Variants in CADM2 observed in about 807,000 individuals in gnomAD.
The protein encoded by CADM2 is cell adhesion molecule 2, also known as immunoglobulin superfamily member 4D.
CADM2 carries 12 observed loss-of-function variants against 49.8 expected under a neutral mutation model. That is an observed-to-expected ratio of 0.24 (90% CI 0.15 to 0.39). The LOEUF (loss-of-function observed/expected upper bound fraction) is 0.39. CADM2 is among the 10% of genes least tolerant of loss of function. The probability of loss-of-function intolerance (pLI) is 1.00; values close to 1 mark genes in which losing one functional copy is unlikely to be tolerated. For missense variants in CADM2, 378 were observed against 492.3 expected, an observed-to-expected ratio of 0.77 and a Z score of 2.20; for synonymous variants, 214 against 175.4, an observed-to-expected ratio of 1.22 and a Z score of -1.74.
At position 86,017,692 on chromosome 3, in the gene CADM2, C is replaced by T. The variant is rs186926989; in HGVS notation, c.971-47913C>T. Among the ~76,000 whole-genome samples, 409 of 149,644 alleles carry T rather than the reference C, an allele frequency of 2.7e-3. 1 individual carries two copies. Among genetic ancestry groups the T allele is most frequent in the African/African-American group, 9.8e-3 (400 of 40,792 alleles). ...GCAGTAAGCCGAGACTGTGCCACTG[C>T]ACTCCAGCTTGGGCGACACCAGGAG... is the stretch of plus-strand genomic sequence containing the variant. On this transcript the variant is annotated intron_variant, in intron 8 of 9. Coordinates refer to ENST00000383699, the MANE Select transcript of CADM2 (RefSeq NM_001167675.2).
chr3:85,249,988 A>G (rs965064377), intron 1 of CADM2, among the ~76,000 whole-genome samples: 1 of 151,892 alleles, frequency 6.6e-6, no homozygotes, highest in Non-Finnish European at 1.5e-5. Flanking sequence ...AAGAAGGTAA[A>G]TGAAATAAAT....
At chr3:85,091,912 A>C (rs2037611721) in intron 1 of CADM2, among the ~76,000 whole-genome samples, 3 of 152,174 alleles carry the variant, frequency 2.0e-5, no homozygotes, top group Admixed American at 6.5e-5. Context: ...TCCAATAATT[A>C]ATGTGTCACT....
At chr3:85,455,218 C>G (rs2037937008) in intron 1 of CADM2, among the ~76,000 whole-genome samples, 1 of 152,148 alleles carries the variant, frequency 6.6e-6, no homozygotes, top group Non-Finnish European at 1.5e-5. Flanking sequence ...CAATAAAACA[C>G]AAATGCAAAA....
chr3:85,260,805 A>G (rs2042999076), intron 1 of CADM2, among the ~76,000 whole-genome samples: 1 of 152,172 alleles, frequency 6.6e-6, no homozygotes, highest in Non-Finnish European at 1.5e-5. Flanking sequence ...CACAAATTAT[A>G]GTTTTTAATC....
chr3:85,282,022 C>G (rs188740024), intron 1 of CADM2, among the ~76,000 whole-genome samples: 63 of 152,126 alleles, frequency 4.1e-4, no homozygotes, highest in Non-Finnish European at 8.1e-4. Context: ...AATAAGCCAT[C>G]TTATATTAAA....
chr3:85,791,180 A>G (rs1470606942), intron 2 of CADM2, among the ~76,000 whole-genome samples: 2 of 152,136 alleles, frequency 1.3e-5, no homozygotes, highest in African/African-American at 4.8e-5. Context: ...TTTTTCCTCT[A>G]ATTTCCTATC....
chr3:85,486,002 T>C (rs959037124), intron 1 of CADM2, among the ~76,000 whole-genome samples: 15 of 152,116 alleles, frequency 9.9e-5, no homozygotes, highest in African/African-American at 3.6e-4. Flanking sequence ...TCTTATTTGT[T>C]GCTGCTGAGT....
At chr3:85,538,333 T>G (rs1308801947) in intron 1 of CADM2, among the ~76,000 whole-genome samples, 1 of 152,084 alleles carries the variant, frequency 6.6e-6, no homozygotes, top group African/African-American at 2.4e-5. Context: ...TGCCAACAGC[T>G]CTGTGAAGTG....
At chr3:85,831,812 A>G (rs952147576) in intron 3 of CADM2, among the ~76,000 whole-genome samples, 4 of 148,310 alleles carry the variant, frequency 2.7e-5, no homozygotes, top group African/African-American at 7.4e-5. Flanking sequence ...ACTCTCTTTC[A>G]TTGTGCAGAA....
intron 1 of CADM2, among the ~76,000 whole-genome samples, chr3:85,087,678 A>G (rs535573581): frequency 1.3e-5 from 2 of 152,198 alleles, no homozygotes; most frequent in African/African-American, 2.4e-5. Context: ...CTTTATATCT[A>G]TTATGATATT....
At chr3:85,028,850 C>A (rs2034848917) in intron 1 of CADM2, among the ~76,000 whole-genome samples, 1 of 151,728 alleles carries the variant, frequency 6.6e-6, no homozygotes, top group South Asian at 2.1e-4. Flanking sequence ...TTTGACATCT[C>A]AACTTTTTAA....
intron 1 of CADM2, among the ~76,000 whole-genome samples, chr3:85,381,862 T>G (rs1051329340): frequency 6.6e-6 from 1 of 152,010 alleles, no homozygotes; most frequent in Admixed American, 6.6e-5. Context: ...ACTTCATTGC[T>G]ATAGAGTGCA....
At chr3:85,042,213 G>T (rs929477934) in intron 1 of CADM2, among the ~76,000 whole-genome samples, 21 of 152,160 alleles carry the variant, frequency 1.4e-4, no homozygotes, top group Non-Finnish European at 2.2e-4. Context: ...AGGAGAGTGA[G>T]CGCCCATTAA....
At chr3:85,173,798 C>A (rs2040701650) in intron 1 of CADM2, among the ~76,000 whole-genome samples, 1 of 152,132 alleles carries the variant, frequency 6.6e-6, no homozygotes, top group Non-Finnish European at 1.5e-5. Context: ...ATGCCCAATT[C>A]TTCTGTATGT....
chr3:85,050,047 A>G (rs1441606081), intron 1 of CADM2, among the ~76,000 whole-genome samples: 2 of 151,816 alleles, frequency 1.3e-5, no homozygotes, highest in Non-Finnish European at 1.5e-5. Context: ...TTGGGAATCA[A>G]TATAATCTTT....
intron 1 of CADM2, among the ~76,000 whole-genome samples, chr3:85,699,092 C>G (rs2066663440): frequency 6.6e-6 from 1 of 152,162 alleles, no homozygotes; most frequent in South Asian, 2.1e-4. Context: ...CCTGGGAGGA[C>G]AGTGATTAAA....
intron 3 of CADM2, chr3:85,827,977 A>T (rs2074002185): frequency 6.6e-6 from 1 of 151,920 alleles, no homozygotes; most frequent in South Asian, 2.1e-4. Context: ...TAAGAGGCAG[A>T]ATAGAGAAGT....
At chr3:85,489,132 A>G (rs28760557) in intron 1 of CADM2, among the ~76,000 whole-genome samples, 170 of 152,308 alleles carry the variant, frequency 1.1e-3, no homozygotes, top group African/African-American at 3.9e-3. Flanking sequence ...AATTAATATA[A>G]TCTTAAGAAA....
intron 1 of CADM2, among the ~76,000 whole-genome samples, chr3:85,410,928 G>A (rs948493019): frequency 2.0e-5 from 3 of 152,082 alleles, no homozygotes; most frequent in Admixed American, 6.6e-5. Flanking sequence ...CTGGTGGAAC[G>A]GTTTACTTCT....
Sources: gnomAD v4.1 joint callset for allele counts (sites outside exome capture counted in the v4.1 genomes callset) on GRCh38, gnomAD v4.1.1 for gene constraint, MANE v1.5 for transcripts, NCBI Gene and HGNC (gene_info 2026-07-23, HGNC 2026-07-21) for gene names.